The following MICAL2 variants were observed in gnomAD, a reference collection of about 807,000 sequenced individuals.
MICAL2 encodes the protein [F-actin]-monooxygenase MICAL2.
In MICAL2, 77 loss-of-function variants were observed where a neutral mutation model predicts 127.3. That is an observed-to-expected ratio of 0.60 (90% CI 0.50 to 0.73). The LOEUF is 0.73. MICAL2 is among the 30% of genes least tolerant of loss of function. The pLI is 0.00. For synonymous variants in MICAL2, 570 were observed against 551.1 expected (o/e 1.03, Z -0.48); for missense variants, 1,351 against 1,434.4 (o/e 0.94, Z 0.94).
chr11:12,220,479 C>A, intron 9 of MICAL2, 21 bp downstream of exon 9: 1 of 1,601,514 alleles, frequency 6.2e-7, no homozygotes, highest in Non-Finnish European at 8.5e-7. Flanking sequence ...AGCTCGGAGC[C>A]CCCATGTTTC....
chr11:12,332,031 C>T (rs1938642200), intron 32 of MICAL2, among the ~76,000 whole-genome samples: 1 of 152,136 alleles, frequency 6.6e-6, no homozygotes, highest in Non-Finnish European at 1.5e-5. Flanking sequence ...ACAAGGATCT[C>T]AATGAGGACT....
intron 32 of MICAL2, among the ~76,000 whole-genome samples, chr11:12,336,669 T>A (rs569054259): frequency 1.5e-3 from 228 of 152,218 alleles, no homozygotes; most frequent in Middle Eastern, 3.4e-3. Context: ...TGAAGGGTTG[T>A]TGAATTTTGT....
intron 1 of MICAL2, chr11:12,116,997 T>C (rs1036845074): frequency 6.6e-6 from 1 of 152,272 alleles, no homozygotes; most frequent in Non-Finnish European, 1.5e-5. Flanking sequence ...TTCTCTCCTC[T>C]GAGGGTCAGG....
intron 8 of MICAL2, among the ~76,000 whole-genome samples, chr11:12,218,836 T>G (rs939734398): frequency 1.3e-5 from 2 of 152,232 alleles, no homozygotes; most frequent in African/African-American, 4.8e-5. Flanking sequence ...TGCGGCACTC[T>G]GTGATTGTCA....
intron 2 of MICAL2, among the ~76,000 whole-genome samples, chr11:12,151,107 G>A (rs1485978930): frequency 6.6e-6 from 1 of 152,140 alleles, no homozygotes; most frequent in East Asian, 1.9e-4. Flanking sequence ...AGGGACTCAA[G>A]AGCTGAGTGC....
At chr11:12,255,871 AG>A (rs1862264790) in intron 23 of MICAL2, 121 bp downstream of exon 23, 1 of 717,238 alleles carries the variant, frequency 1.4e-6, no homozygotes, top group Admixed American at 2.6e-5. Context: ...TTGGAACAAG[AG>A]GGGGCTGAGA....
intron 3 of MICAL2, among the ~76,000 whole-genome samples, chr11:12,184,999 C>G (rs978223249): frequency 2.0e-5 from 3 of 148,928 alleles, no homozygotes; most frequent in Non-Finnish European, 4.5e-5. Context: ...TCCCCATCTG[C>G]CCTCTCCAAG....
intron 1 of MICAL2, among the ~76,000 whole-genome samples, chr11:12,124,954 C>T (rs1284731985): frequency 1.3e-5 from 2 of 152,206 alleles, no homozygotes; most frequent in Admixed American, 6.6e-5. Flanking sequence ...CCCATTCCAC[C>T]ATTGTTGTGG....
At chr11:12,230,926 T>A (rs1208342921) in intron 15 of MICAL2, among the ~76,000 whole-genome samples, 2 of 152,226 alleles carry the variant, frequency 1.3e-5, no homozygotes, top group Non-Finnish European at 2.9e-5. Context: ...GGGAGTATAT[T>A]TTCCTCTTAA....
chr11:12,338,766 A>T (rs964278841), intron 32 of MICAL2, among the ~76,000 whole-genome samples: 23 of 152,334 alleles, frequency 1.5e-4, no homozygotes, highest in African/African-American at 5.5e-4. Flanking sequence ...TTTCTTTAAG[A>T]ATGTTGAATA....
intron 25 of MICAL2, 124 bp from the exon 26 acceptor site, chr11:12,259,671 T>G: frequency 1.2e-4 from 101 of 837,712 alleles, no homozygotes; most frequent in Non-Finnish European, 1.6e-4. Flanking sequence ...GTCGGGGGGC[T>G]GAGATTATTG....
At chr11:12,317,217 A>G (rs1864242510) in intron 29 of MICAL2, among the ~76,000 whole-genome samples, 2 of 152,016 alleles carry the variant, frequency 1.3e-5, no homozygotes, top group South Asian at 4.2e-4. Context: ...TTTCAACTCA[A>G]TGAATCTGTT....
chr11:12,278,617 G>T (rs555218297), intron 1 of MICAL2, among the ~76,000 whole-genome samples: 1 of 152,198 alleles, frequency 6.6e-6, no homozygotes, highest in Non-Finnish European at 1.5e-5. Context: ...AGCAGGCCTC[G>T]CTTTGGGGAA....
intron 2 of MICAL2, among the ~76,000 whole-genome samples, chr11:12,160,790 G>T (rs988630966): frequency 6.6e-6 from 1 of 152,236 alleles, no homozygotes; most frequent in Non-Finnish European, 1.5e-5. Context: ...CCTGTGGGCG[G>T]GGCCTGAGCC....
chr11:12,261,976 T>C (rs993986991), intron 26 of MICAL2: 43 of 997,446 alleles, frequency 4.3e-5, no homozygotes, highest in Non-Finnish European at 5.1e-5. Flanking sequence ...GCTGAGATGC[T>C]TTGTGGAGTG....
intron 15 of MICAL2, among the ~76,000 whole-genome samples, chr11:12,231,359 A>G (rs985432496): frequency 7.9e-5 from 12 of 152,170 alleles, no homozygotes; most frequent in African/African-American, 2.9e-4. Context: ...CTCCTCCTCC[A>G]GCACTGGTCC....
At chr11:12,178,676 A>G (rs1857103092) in intron 3 of MICAL2, among the ~76,000 whole-genome samples, 1 of 152,118 alleles carries the variant, frequency 6.6e-6, no homozygotes, top group African/African-American at 2.4e-5. Context: ...TCTCCTTAAG[A>G]GAAACTAGAT....
At chr11:12,311,085 G>C (rs577468651) in intron 29 of MICAL2, among the ~76,000 whole-genome samples, 10 of 152,118 alleles carry the variant, frequency 6.6e-5, no homozygotes, top group Admixed American at 3.3e-4. Flanking sequence ...GTTTTTGTGT[G>C]GAGTCTTTCA....
intron 2 of MICAL2, among the ~76,000 whole-genome samples, chr11:12,147,076 G>T (rs1316648439): frequency 6.6e-6 from 1 of 151,940 alleles, no homozygotes; most frequent in Non-Finnish European, 1.5e-5. Context: ...GGGGGGAGCA[G>T]GGAAGGATAG....
Sources: gnomAD v4.1 joint callset for allele counts (sites outside exome capture counted in the v4.1 genomes callset) on GRCh38, gnomAD v4.1.1 for gene constraint, MANE v1.5 for transcripts, NCBI Gene and HGNC (gene_info 2026-07-23, HGNC 2026-07-21) for gene names.